TMEM123: variants seen among roughly 807,000 people sequenced by gnomAD.
TMEM123 encodes porimin.
In TMEM123, 16 loss-of-function variants were observed where a neutral mutation model predicts 19.7. The ratio of observed to expected loss-of-function variants is 0.81; its 90% CI spans 0.55 to 1.23. TMEM123 has a LOEUF of 1.23. TMEM123 is among the 50% of genes most tolerant of loss of function. The pLI is 0.00. For synonymous variants in TMEM123, 118 were observed against 99.4 expected, an observed-to-expected ratio of 1.19 and a Z score of -1.12; for missense variants, 313 against 257.8, an observed-to-expected ratio of 1.21 and a Z score of -1.47.
intron 2 of TMEM123, among the ~76,000 whole-genome samples, chr11:102,438,611 A>G (rs1193960888): frequency 6.6e-6 from 1 of 152,238 alleles, no homozygotes; most frequent in Non-Finnish European, 1.5e-5. Flanking sequence ...GTTAAAAATT[A>G]CCAGCAACGG....
At chr11:102,427,447 CT>C (rs754431473) in intron 2 of TMEM123, among the ~76,000 whole-genome samples, 10,339 of 122,556 alleles carry the variant, frequency 0.084, 406 homozygotes, top group African/African-American at 0.14. Flanking sequence ...GGTATAAATT[CT>C]TTTTTTTTTT....
chr11:102,437,227 T>G (rs1857772614), intron 2 of TMEM123, among the ~76,000 whole-genome samples: 1 of 152,136 alleles, frequency 6.6e-6, no homozygotes, highest in Non-Finnish European at 1.5e-5. Context: ...GCAAATTCAG[T>G]GTTTCCTGGG....
At chr11:102,401,503 A>T in intron 4 of TMEM123, 36 bp downstream of exon 4, 1 of 1,518,206 alleles carries the variant, frequency 6.6e-7, no homozygotes, top group South Asian at 1.3e-5. Flanking sequence ...TGCACCAACA[A>T]TTTTTTTTAA....
At position 102,402,112 on chromosome 11, in the gene TMEM123, T is replaced by G. The variant is rs377234758; in HGVS notation, c.252A>C (p.Thr84=). The change falls in exon 3 of 5, where the codon ACA becomes ACC. Residue 84 remains threonine, a synonymous_variant. Coordinates refer to ENST00000398136, the MANE Select transcript of TMEM123 (RefSeq NM_052932.3). ...CTGTAGGTTTCATGGTGGTGACCGT[T>G]GTATTACTGGAGTCTGAGGCAACTG... is the stretch of plus-strand genomic sequence containing the variant. ...PTSVASDSSN[T]TVTTMKPTAA... 5 of 1,614,180 alleles carry G rather than the reference T, an allele frequency of 3.1e-6. No homozygotes were observed. The highest frequency in any genetic ancestry group is 4.2e-6 in the Non-Finnish European group (5 of 1,180,028).
At position 102,396,401 on chromosome 11, in the gene TMEM123, TATAATAAAA is replaced by T. The variant is rs1170852793; in HGVS notation, c.*2457_*2465del. On this transcript the variant is annotated 3_prime_UTR_variant, in exon 5 of 5. Coordinates refer to ENST00000398136, the MANE Select transcript of TMEM123 (RefSeq NM_052932.3). ...CAATGAAATACCAAAAGCTGGTCAT[TATAATAAAA>T]AGAAAAGAAGAGTTTAACTTTTTTT... is the stretch of plus-strand genomic sequence containing the variant. The T allele has an allele frequency of 6.6e-6, 1 of 152,208 alleles. No homozygotes were observed. Among genetic ancestry groups the T allele is most frequent in the African/African-American group, 2.4e-5 (1 of 41,456 alleles). The allele number at this position is 152,208 out of a possible 1,614,324, so 9.4% of individuals were successfully genotyped here. A position where few individuals can be genotyped will look rare whatever the true frequency, so the allele number is the denominator to read the frequency against.
At chr11:102,417,214 C>A (rs1372823652) in intron 2 of TMEM123, among the ~76,000 whole-genome samples, 1 of 152,206 alleles carries the variant, frequency 6.6e-6, no homozygotes, top group Non-Finnish European at 1.5e-5. Context: ...GTCAAACTCT[C>A]TCTTTGCAGA....
At chr11:102,442,951 T>C (rs892324377) in intron 2 of TMEM123, among the ~76,000 whole-genome samples, 3 of 152,162 alleles carry the variant, frequency 2.0e-5, no homozygotes, top group Non-Finnish European at 4.4e-5. Flanking sequence ...TCTCAATTGT[T>C]TCAAAGAGAA....
At chr11:102,422,980 T>C (rs75920178) in intron 2 of TMEM123, among the ~76,000 whole-genome samples, 2,271 of 152,306 alleles carry the variant, frequency 0.015, 22 homozygotes, top group Non-Finnish European at 0.024. Context: ...ACAGGAGAGC[T>C]ACCTCTCAGG....
intron 2 of TMEM123, among the ~76,000 whole-genome samples, chr11:102,407,939 A>T (rs1951969926): frequency 6.6e-6 from 1 of 152,232 alleles, no homozygotes; most frequent in Non-Finnish European, 1.5e-5. Flanking sequence ...TTTATAAAAA[A>T]TATGTCTCTG....
At chr11:102,436,450 A>T (rs1397140397) in intron 2 of TMEM123, among the ~76,000 whole-genome samples, 1 of 152,044 alleles carries the variant, frequency 6.6e-6, no homozygotes, top group Non-Finnish European at 1.5e-5. Flanking sequence ...GGCGTGAGCC[A>T]CCGCACCCAG....
chr11:102,448,787 G>A (rs753464440), intron 2 of TMEM123, 25 bp downstream of exon 2: 16 of 1,609,148 alleles, frequency 9.9e-6, no homozygotes, highest in Non-Finnish European at 1.3e-5. Context: ...ATGAAAATTT[G>A]TTTTTTTAAT....
At chr11:102,402,506 A>G (rs1345371440) in intron 2 of TMEM123, among the ~76,000 whole-genome samples, 1 of 152,096 alleles carries the variant, frequency 6.6e-6, no homozygotes, top group East Asian at 1.9e-4. Flanking sequence ...TGTCTTAATC[A>G]TCTCTGTCTG....
intron 2 of TMEM123, among the ~76,000 whole-genome samples, chr11:102,419,113 A>G (rs1952063457): frequency 1.3e-5 from 2 of 149,812 alleles, no homozygotes; most frequent in South Asian, 2.1e-4. Context: ...CCCGTCACAC[A>G]TGATTTACCC....
At chr11:102,418,126 C>T (rs1952056318) in intron 2 of TMEM123, among the ~76,000 whole-genome samples, 1 of 150,144 alleles carries the variant, frequency 6.7e-6, no homozygotes, top group African/African-American at 2.4e-5. Flanking sequence ...TGGCCATTAG[C>T]CCTGTCAAAG....
At chr11:102,448,557 A>G (rs1857906890) in intron 2 of TMEM123, among the ~76,000 whole-genome samples, 1 of 152,234 alleles carries the variant, frequency 6.6e-6, no homozygotes. Flanking sequence ...TCAAAAATTC[A>G]TAACATGAAA....
chr11:102,448,878 TA>T lies in TMEM123; in HGVS notation c.101-11del. 1 of 1,612,996 alleles carries T rather than the reference TA, an allele frequency of 6.2e-7. No homozygotes were observed. Among genetic ancestry groups the T allele is most frequent in the African/African-American group, 1.3e-5 (1 of 74,996 alleles). On this transcript the variant is annotated splice_polypyrimidine_tract_variant and intron_variant, in intron 1 of 4. Coordinates refer to ENST00000398136, the MANE Select transcript of TMEM123 (RefSeq NM_052932.3). The stretch of plus-strand genomic sequence containing the variant: ...TCTATGTTTGCAGATGCTGTAAAAA[TA>T]AAGAAATATCCTGTTATGAAAGAAC...
intron 2 of TMEM123, among the ~76,000 whole-genome samples, chr11:102,438,850 G>C (rs1446193317): frequency 1.3e-5 from 2 of 152,218 alleles, no homozygotes; most frequent in Non-Finnish European, 2.9e-5. Context: ...AAGGGAAGCC[G>C]TGACAGACAG....
At chr11:102,424,664 G>T (rs1433008770) in intron 2 of TMEM123, among the ~76,000 whole-genome samples, 1 of 152,124 alleles carries the variant, frequency 6.6e-6, no homozygotes, top group Admixed American at 6.5e-5. Context: ...ACTCCAGCCT[G>T]GGTGACAGAG....
intron 2 of TMEM123, among the ~76,000 whole-genome samples, chr11:102,417,447 A>G (rs1317599799): frequency 6.6e-6 from 1 of 152,190 alleles, no homozygotes; most frequent in African/African-American, 2.4e-5. Context: ...GAATACAGTT[A>G]ACCAGGGAGG....
Sources: gnomAD v4.1 joint callset for allele counts (sites outside exome capture counted in the v4.1 genomes callset) on GRCh38, gnomAD v4.1.1 for gene constraint, MANE v1.5 for transcripts, NCBI Gene and HGNC (gene_info 2026-07-23, HGNC 2026-07-21) for gene names.